ATP8A2: variants seen among roughly 807,000 people sequenced by gnomAD.
ATP8A2 encodes the protein phospholipid-transporting ATPase IB.
In ATP8A2, 100 loss-of-function variants were observed where a neutral mutation model predicts 165.6. That is an observed-to-expected ratio of 0.60 (90% CI 0.51 to 0.71). The LOEUF (loss-of-function observed/expected upper bound fraction) is 0.71. ATP8A2 is among the 30% of genes least tolerant of loss of function. The pLI is 0.00. For missense variants in ATP8A2, 1,227 were observed against 1,479.5 expected, an observed-to-expected ratio of 0.83 and a Z score of 2.80; for synonymous variants, 543 against 548.8, an observed-to-expected ratio of 0.99 and a Z score of 0.15.
chr13:25,405,435 T>C (rs1482286573), intron 1 of ATP8A2, among the ~76,000 whole-genome samples: 3 of 152,344 alleles, frequency 2.0e-5, no homozygotes, highest in South Asian at 2.1e-4. Context: ...TTCATTCATT[T>C]TTTTCTGGGA....
chr13:25,676,919 G>C (rs2042384505), intron 24 of ATP8A2, among the ~76,000 whole-genome samples: 1 of 152,162 alleles, frequency 6.6e-6, no homozygotes, highest in South Asian at 2.1e-4. Flanking sequence ...TTGCTCTTTT[G>C]AAGGGATTTA....
In ATP8A2 at chr13:26,009,459, A is replaced by T. The variant is rs576590541; in HGVS notation, c.3378-3072A>T. Among the ~76,000 whole-genome samples the T allele has an allele frequency of 1.0e-3, 154 of 152,326 alleles. 1 individual carries two copies. The highest frequency in any genetic ancestry group is 1.9e-3 in the Non-Finnish European group (128 of 68,014). Reference sequence around the variant, plus strand: ...GTGTGGTGAACATCCCAGCCCACACATCCAGGTTCTGTTCACATCCCCATG... The same window carrying T: ...GTGTGGTGAACATCCCAGCCCACACTTCCAGGTTCTGTTCACATCCCCATG... On this transcript the variant is annotated intron_variant, in intron 35 of 36. Transcript: ENST00000381655.
chr13:25,754,642 ATT>A (rs1300965405), intron 25 of ATP8A2, among the ~76,000 whole-genome samples: 16 of 152,288 alleles, frequency 1.1e-4, no homozygotes, highest in African/African-American at 3.8e-4. Context: ...GTGTTAGCTC[ATT>A]TTAAAAAATT....
In ATP8A2 at chr13:25,996,510, A is replaced by G. The variant is rs564706626; in HGVS notation, c.3378-16021A>G. Among the ~76,000 whole-genome samples, 50 of 152,102 alleles carry G rather than the reference A, an allele frequency of 3.3e-4. No homozygotes were observed. The South Asian group carries it at 9.8e-3, about 30-fold the overall frequency. Reference sequence around the variant, plus strand: ...TTCTTTTATCATTTCCTTTTTGTTTATAGAACTTTCTTATTATTATTTTTT... The same window carrying G: ...TTCTTTTATCATTTCCTTTTTGTTTGTAGAACTTTCTTATTATTATTTTTT... On this transcript the variant is annotated intron_variant, in intron 35 of 36. Coordinates refer to ENST00000381655, the MANE Select transcript of ATP8A2 (RefSeq NM_016529.6).
At chr13:25,752,122 G>A (rs1043206063) in intron 25 of ATP8A2, among the ~76,000 whole-genome samples, 14 of 151,916 alleles carry the variant, frequency 9.2e-5, no homozygotes, top group African/African-American at 3.1e-4. Flanking sequence ...AATTTTACAT[G>A]TGCATAACTT....
intron 24 of ATP8A2, among the ~76,000 whole-genome samples, chr13:25,644,056 T>TA (rs2041607824): frequency 6.6e-6 from 1 of 152,098 alleles, no homozygotes; most frequent in African/African-American, 2.4e-5. Context: ...TGTTCATTGT[T>TA]AGTGTATAGA....
rs1593219941 is a variant in ATP8A2, at chr13:25,372,660, T to G, written c.76+372T>G. On this transcript the variant is annotated intron_variant, in intron 1 of 36. Coordinates refer to ENST00000381655, the MANE Select transcript of ATP8A2 (RefSeq NM_016529.6). The surrounding 1 kb of genome is among the most constrained non-coding windows in gnomAD (Gnocchi z 4.8). ...CAGTCACCGCGATGGTGGGCACGGT[T>G]TGGCGGCGCAGAGAAGATGCAGCCT... Among the ~76,000 whole-genome samples, 1 of 152,276 alleles carries G rather than the reference T, an allele frequency of 6.6e-6. No individual in the cohort carries two copies. The highest frequency in any genetic ancestry group is 1.9e-4 in the East Asian group (1 of 5,162).
At chr13:25,538,594 G>A (rs184487660) in intron 7 of ATP8A2, among the ~76,000 whole-genome samples, 1 of 152,262 alleles carries the variant, frequency 6.6e-6, no homozygotes, top group East Asian at 1.9e-4. Context: ...TTTATTCTAG[G>A]AAGGAATCAT....
chr13:25,569,371 T>TA (rs1317245602), intron 16 of ATP8A2, among the ~76,000 whole-genome samples: 1 of 152,122 alleles, frequency 6.6e-6, no homozygotes, highest in Non-Finnish European at 1.5e-5. Flanking sequence ...GAGAAGAAAC[T>TA]AAAAATATTC....
chr13:25,898,420 G>A (rs564581852), intron 33 of ATP8A2, among the ~76,000 whole-genome samples: 1 of 152,194 alleles, frequency 6.6e-6, no homozygotes, highest in East Asian at 1.9e-4. Context: ...GCCGTGTGAG[G>A]TGTCAGTCCG....
At chr13:25,453,178 G>A (rs2035274324) in intron 1 of ATP8A2, among the ~76,000 whole-genome samples, 1 of 151,880 alleles carries the variant, frequency 6.6e-6, no homozygotes, top group Admixed American at 6.6e-5. Flanking sequence ...CCAGGCTGGA[G>A]TGCAATGGTA....
At chr13:25,411,214 G>A (rs1209423523) in intron 1 of ATP8A2, among the ~76,000 whole-genome samples, 2 of 152,192 alleles carry the variant, frequency 1.3e-5, no homozygotes, top group African/African-American at 2.4e-5. Context: ...TAAGGAGGGT[G>A]ATCTCTTTTG....
At chr13:25,555,145 A>G in intron 13 of ATP8A2, 77 bp downstream of exon 13, 1 of 1,137,084 alleles carries the variant, frequency 8.8e-7, no homozygotes, top group South Asian at 1.3e-5. Flanking sequence ...AGAACCATGG[A>G]AAGATTTTGC....
chr13:25,551,578 G>A, intron 11 of ATP8A2, 75 bp downstream of exon 11: 1 of 1,450,340 alleles, frequency 6.9e-7, no homozygotes, highest in Non-Finnish European at 9.5e-7. Flanking sequence ...CATGGTTGAA[G>A]TGTGGTGTCC....
chr13:25,695,069 T>C (rs1432714067), intron 24 of ATP8A2, among the ~76,000 whole-genome samples: 1 of 152,200 alleles, frequency 6.6e-6, no homozygotes, highest in Non-Finnish European at 1.5e-5. Flanking sequence ...CTCAGAGATA[T>C]TGCAGATTTG....
rs1362506820 is a variant in ATP8A2, at chr13:25,988,022, GC to G, written c.3377+19346del. 1.8e-4 allele frequency among the ~76,000 whole-genome samples: 27 copies of G among 152,308 alleles called. 1 individual carries two copies. The highest frequency in any genetic ancestry group is 1.4e-3 in the Admixed American group (21 of 15,308). On this transcript the variant is annotated intron_variant, in intron 35 of 36. Transcript: ENST00000381655. ...TTCAAGAGAAGTTTTCATATATTTAGCCCAACTGCTTCGCCACAAGAAACAA... is the reference window on the plus strand; with the variant it reads ...TTCAAGAGAAGTTTTCATATATTTAGCCAACTGCTTCGCCACAAGAAACAA...
chr13:25,828,137 A>G lies in ATP8A2; in HGVS notation c.2699A>G (p.Asn900Ser). The change falls in exon 28 of 37, where the codon AAT becomes AGT. Residue 900 changes from asparagine (N) to serine (S), a missense_variant. Asn to Ser is a conservative substitution (Grantham distance 46, BLOSUM62 1). Around this residue, in one of 5 missense-constraint regions of ATP8A2, gnomAD observed 592 missense variants for 785.6 expected, o/e 0.75. Transcript: ENST00000381655. ...YIIELWFAFV[N>S]GFSGQILFER... ...TTTCAGCTTTGGTTCGCCTTTGTTA[A>G]TGGATTTTCTGGGCAGATTTTATTT... 1 of 1,614,106 alleles carries G rather than the reference A, an allele frequency of 6.2e-7. No individual in the cohort carries two copies. The highest frequency in any genetic ancestry group is 8.5e-7 in the Non-Finnish European group (1 of 1,179,966).
At chr13:25,809,953 C>T (rs1042779089) in intron 27 of ATP8A2, among the ~76,000 whole-genome samples, 2 of 152,092 alleles carry the variant, frequency 1.3e-5, no homozygotes, top group African/African-American at 4.8e-5. Flanking sequence ...ATGTGTTGCC[C>T]CAGAGAGGAC....
At chr13:25,650,070 CT>C (rs1460770588) in intron 24 of ATP8A2, among the ~76,000 whole-genome samples, 3 of 152,222 alleles carry the variant, frequency 2.0e-5, no homozygotes, top group African/African-American at 7.2e-5. Flanking sequence ...TTCGGGTTCT[CT>C]TTTCCCTCTG....
Sources: allele counts gnomAD v4.1 joint callset (sites outside exome capture counted in the v4.1 genomes callset), GRCh38; gene constraint gnomAD v4.1.1; regional missense constraint gnomAD v4.1.1; non-coding constraint Gnocchi (gnomAD v3.1); transcripts MANE v1.5; gene names NCBI Gene and HGNC (gene_info 2026-07-23, HGNC 2026-07-21).